DCLRE1C: variants seen among roughly 807,000 people sequenced by gnomAD.
The protein encoded by DCLRE1C is protein artemis.
A neutral mutation model predicts 61.4 loss-of-function variants in DCLRE1C; 47 were observed. That is an observed-to-expected ratio of 0.77 (90% CI 0.61 to 0.98). The LOEUF (loss-of-function observed/expected upper bound fraction) is 0.98, where lower values mean the gene tolerates loss of function less well. DCLRE1C is among the 50% of genes least tolerant of loss of function. The pLI is 0.00. For synonymous variants in DCLRE1C, 337 were observed against 287.6 expected (o/e 1.17, Z -1.74); for missense variants, 858 against 816.0 (o/e 1.05, Z -0.63).
At chr10:14,910,561 T>C (rs1340371993) in intron 13 of DCLRE1C, among the ~76,000 whole-genome samples, 1 of 152,166 alleles carries the variant, frequency 6.6e-6, no homozygotes, top group East Asian at 1.9e-4. Context: ...CCCAAATTGC[T>C]GGAATTAGAG....
rs2131775529 is a variant in DCLRE1C, at chr10:14,908,933, T to C, written c.1554A>G (p.Ser518=). Residue 518 remains serine (S), a synonymous_variant, in exon 14 of 14, where the codon TCA becomes TCG. Coordinates refer to ENST00000378278, the MANE Select transcript of DCLRE1C (RefSeq NM_001033855.3). ...CATCAGAGTCACTGAAAAGCTTTGGTGACTGAGATCCCCCTGCCACTGTGG... is the reference window on the plus strand; with the variant it reads ...CATCAGAGTCACTGAAAAGCTTTGGCGACTGAGATCCCCCTGCCACTGTGG... ...PSSTVAGGSQ[S]PKLFSDSDGE... 1 of 1,614,188 alleles carries C rather than the reference T, an allele frequency of 6.2e-7. No individual in the cohort carries two copies. Among genetic ancestry groups the C allele is most frequent in the South Asian group, 1.1e-5 (1 of 91,084 alleles).
intron 12 of DCLRE1C, among the ~76,000 whole-genome samples, chr10:14,921,598 T>C (rs1024055563): frequency 6.6e-6 from 1 of 152,182 alleles, no homozygotes; most frequent in East Asian, 1.9e-4. Flanking sequence ...TTGCTCTCAC[T>C]GAGCACACAC....
intron 9 of DCLRE1C, 38 bp downstream of exon 9, chr10:14,932,816 T>G: frequency 6.2e-7 from 1 of 1,609,298 alleles, no homozygotes; most frequent in African/African-American, 1.3e-5. Context: ...TTTCATAGAT[T>G]ACACAAACAA....
At chr10:14,944,110 T>C (rs1371699159) in intron 3 of DCLRE1C, among the ~76,000 whole-genome samples, 3 of 152,222 alleles carry the variant, frequency 2.0e-5, no homozygotes, top group African/African-American at 7.2e-5. Flanking sequence ...TTTATTTTTC[T>C]TACTCTATCC....
Position 14,935,593 on chromosome 10 carries a change from C to T in DCLRE1C, c.363-29G>A. The T allele has an allele frequency of 2.5e-6, 4 of 1,604,228 alleles. No homozygotes were observed. The Admixed American group carries it at 6.7e-5, about 27-fold the overall frequency. ...AAAAAGAAATATATCCCAGTGACTT[C>T]TGAGTCTCATATAAACTCCCAATAA... On this transcript the variant is annotated intron_variant, in intron 5 of 13. Coordinates refer to ENST00000378278, the MANE Select transcript of DCLRE1C (RefSeq NM_001033855.3).
intron 12 of DCLRE1C, among the ~76,000 whole-genome samples, chr10:14,921,364 C>CTGAAGTG (rs1837087937): frequency 6.6e-6 from 1 of 152,030 alleles, no homozygotes; most frequent in African/African-American, 2.4e-5. Context: ...TTCCTAAACA[C>CTGAAGTG]ATCCAAGTTT....
At chr10:14,926,954 C>T (rs1838103816) in intron 10 of DCLRE1C, 57 bp from the exon 11 acceptor site, 3 of 1,446,512 alleles carry the variant, frequency 2.1e-6, no homozygotes. Flanking sequence ...TAAAACTAAG[C>T]AAAGCTGGCC....
chr10:14,951,287 T>A (rs143760871), intron 1 of DCLRE1C, among the ~76,000 whole-genome samples: 196 of 149,486 alleles, frequency 1.3e-3, no homozygotes, highest in African/African-American at 4.4e-3. Flanking sequence ...TGGGAGTACT[T>A]GCTGAGGTGG....
chr10:14,944,258 TG>T (rs2131093290), intron 3 of DCLRE1C, among the ~76,000 whole-genome samples: 1 of 152,172 alleles, frequency 6.6e-6, no homozygotes, highest in South Asian at 2.1e-4. Flanking sequence ...ACCAAGTGGG[TG>T]GAACCAAGGT....
At chr10:14,948,728 CGTTGTT>C (rs143688475) in intron 2 of DCLRE1C, among the ~76,000 whole-genome samples, 4,174 of 149,636 alleles carry the variant, frequency 0.028, 223 homozygotes, top group African/African-American at 0.098. Flanking sequence ...TTGTTGCTGT[CGTTGTT>C]GTTGTTGTTG....
chr10:14,930,477 G>C (rs1358712310), intron 9 of DCLRE1C, among the ~76,000 whole-genome samples: 1 of 151,746 alleles, frequency 6.6e-6, no homozygotes, highest in Admixed American at 6.6e-5. Flanking sequence ...CTGTCACCCA[G>C]ACTGGAGTGC....
At chr10:14,913,119 G>C (rs1835561308) in intron 13 of DCLRE1C, among the ~76,000 whole-genome samples, 2 of 152,268 alleles carry the variant, frequency 1.3e-5, no homozygotes, top group Non-Finnish European at 2.9e-5. Context: ...GCCTCCCAAA[G>C]TGCTGGGATT....
intron 9 of DCLRE1C, among the ~76,000 whole-genome samples, chr10:14,929,570 G>A (rs1402068253): frequency 6.8e-6 from 1 of 147,724 alleles, no homozygotes; most frequent in Non-Finnish European, 1.5e-5. Flanking sequence ...TGAGCCTGGG[G>A]GGTCGAGGCT....
intron 11 of DCLRE1C, among the ~76,000 whole-genome samples, chr10:14,925,068 A>G (rs2130810351): frequency 6.6e-6 from 1 of 152,124 alleles, no homozygotes; most frequent in African/African-American, 2.4e-5. Context: ...GAAAGGCAGG[A>G]AGATCTATTC....
chr10:14,915,160 T>C (rs1261299764), intron 13 of DCLRE1C, among the ~76,000 whole-genome samples: 1 of 151,882 alleles, frequency 6.6e-6, no homozygotes. Flanking sequence ...AGAGGGAAAA[T>C]TATAGCACTA....
chr10:14,949,326 C>T (rs1209388849), intron 1 of DCLRE1C, among the ~76,000 whole-genome samples: 1 of 152,190 alleles, frequency 6.6e-6, no homozygotes, highest in Non-Finnish European at 1.5e-5. Context: ...TGATTCTGTG[C>T]ATCATAGGCC....
At chr10:14,919,946 G>T in intron 12 of DCLRE1C, 114 bp from the exon 13 acceptor site, 1 of 820,098 alleles carries the variant, frequency 1.2e-6, no homozygotes. Flanking sequence ...TTGGATCCCT[G>T]TTTTTAACAA....
intron 3 of DCLRE1C, 51 bp downstream of exon 3, chr10:14,945,054 A>T (rs1448810890): frequency 7.0e-7 from 1 of 1,434,666 alleles, no homozygotes; most frequent in East Asian, 2.5e-5. Context: ...TCTACCTCTA[A>T]AAATACTTCC....
In DCLRE1C at chr10:14,919,737, C is replaced by G; in HGVS notation, c.1156+1G>C. ...TCTGAACCCAGGACCATTTTTCTTA[C>G]CTGAGTCTCGGTGAACTGTTCTAGC... On this transcript the variant is annotated splice_donor_variant, in intron 13 of 13. Coordinates refer to ENST00000378278, the MANE Select transcript of DCLRE1C (RefSeq NM_001033855.3). LOFTEE classifies it high-confidence loss of function. The G allele has an allele frequency of 6.2e-7, 1 of 1,612,330 alleles. No individual in the cohort carries two copies. The highest frequency in any genetic ancestry group is 8.5e-7 in the Non-Finnish European group (1 of 1,178,470).
Sources: allele counts gnomAD v4.1 joint callset (sites outside exome capture counted in the v4.1 genomes callset), GRCh38; gene constraint gnomAD v4.1.1; transcripts MANE v1.5; gene names NCBI Gene and HGNC (gene_info 2026-07-23, HGNC 2026-07-21).